P2RX3: variants seen among roughly 807,000 people sequenced by gnomAD.
The protein encoded by P2RX3 is purinergic receptor P2X 3.
P2RX3 carries 41 observed loss-of-function variants against 51.5 expected under a neutral mutation model. That is an observed-to-expected ratio of 0.80 (90% CI 0.62 to 1.03). The LOEUF (loss-of-function observed/expected upper bound fraction) is 1.03, where lower values mean the gene tolerates loss of function less well. Among genes scored for constraint, P2RX3 ranks in the 50% least tolerant of loss-of-function variants. The pLI is 0.00. For missense variants in P2RX3, 459 were observed against 522.1 expected (o/e 0.88, Z 1.18); for synonymous variants, 185 against 191.6 (o/e 0.97, Z 0.29).
At chr11:57,357,161 T>A (rs1354138960) in intron 8 of P2RX3, among the ~76,000 whole-genome samples, 23 of 151,756 alleles carry the variant, frequency 1.5e-4, no homozygotes, top group Admixed American at 7.9e-4. Context: ...TATTAAAAAT[T>A]TTTTTAAAAA....
chr11:57,355,798 T>A (rs1344181708), intron 8 of P2RX3, among the ~76,000 whole-genome samples: 1 of 152,154 alleles, frequency 6.6e-6, no homozygotes. Context: ...GTTTAATGAG[T>A]TTCTTTCCAG....
At chr11:57,365,685 A>G (rs902464351) in intron 8 of P2RX3, among the ~76,000 whole-genome samples, 11 of 152,188 alleles carry the variant, frequency 7.2e-5, no homozygotes, top group Non-Finnish European at 1.6e-4. Context: ...GACACCCTGA[A>G]GGCTAAGGAA....
chr11:57,360,233 G>T (rs1292174893), intron 8 of P2RX3, among the ~76,000 whole-genome samples: 1 of 152,112 alleles, frequency 6.6e-6, no homozygotes, highest in East Asian at 1.9e-4. Context: ...GCTCCCACAA[G>T]TGGCACCCAC....
At chr11:57,364,717 A>T (rs1856772499) in intron 8 of P2RX3, among the ~76,000 whole-genome samples, 1 of 151,960 alleles carries the variant, frequency 6.6e-6, no homozygotes, top group African/African-American at 2.4e-5. Flanking sequence ...TGCACCTTGA[A>T]TTCATTCTGT....
intron 8 of P2RX3, among the ~76,000 whole-genome samples, chr11:57,353,915 TC>T (rs11336120): frequency 1 from 150,624 of 150,624 alleles, 75,312 homozygotes; most frequent in Non-Finnish European, 1. Flanking sequence ...CTGTTGAAGT[TC>T]CCCTTGCAGT....
chr11:57,364,340 G>T (rs1590640359), intron 8 of P2RX3, among the ~76,000 whole-genome samples: 5 of 152,328 alleles, frequency 3.3e-5, no homozygotes, highest in Middle Eastern at 3.4e-3. Flanking sequence ...AGGCAGGATG[G>T]TTCAAGGGGT....
intron 1 of P2RX3, among the ~76,000 whole-genome samples, chr11:57,339,023 C>T (rs1265116080): frequency 6.6e-6 from 1 of 152,190 alleles, no homozygotes; most frequent in Non-Finnish European, 1.5e-5. Flanking sequence ...CAGGCAGACC[C>T]CCTCCCACAT....
upstream of P2RX3, among the ~76,000 whole-genome samples, chr11:57,337,827 A>G (rs1856263738): frequency 6.6e-6 from 1 of 152,266 alleles, no homozygotes; most frequent in African/African-American, 2.4e-5. Flanking sequence ...AACTTAGAGT[A>G]TAAGAATAAT....
chr11:57,350,932 A>C, intron 8 of P2RX3, 34 bp downstream of exon 8: 1 of 1,613,764 alleles, frequency 6.2e-7, no homozygotes, highest in Non-Finnish European at 8.5e-7. Flanking sequence ...CCAGGAGAAG[A>C]AGGTGCGGGC....
At chr11:57,368,146 C>T in intron 9 of P2RX3, 44 bp downstream of exon 9, 2 of 1,572,772 alleles carry the variant, frequency 1.3e-6, no homozygotes, top group Non-Finnish European at 8.8e-7. Context: ...GGGGAGGCAG[C>T]CCAGACCACC....
chr11:57,361,082 G>T (rs532360598), intron 8 of P2RX3, among the ~76,000 whole-genome samples: 1 of 152,174 alleles, frequency 6.6e-6, no homozygotes, highest in African/African-American at 2.4e-5. Context: ...ACAATTGGCT[G>T]CCAGCTGGGA....
At chr11:57,346,798 T>C (rs1856442588) in intron 2 of P2RX3, 119 bp downstream of exon 2, 2 of 1,389,442 alleles carry the variant, frequency 1.4e-6, no homozygotes, top group Non-Finnish European at 1.9e-6. Context: ...ATGTCACTGA[T>C]CCAGAGGACC....
intron 8 of P2RX3, among the ~76,000 whole-genome samples, chr11:57,366,789 G>A (rs1273333618): frequency 6.6e-6 from 1 of 152,124 alleles, no homozygotes; most frequent in Admixed American, 6.5e-5. Context: ...AGAGGGGGCT[G>A]GGTGTGCTAA....
At chr11:57,342,070 G>A (rs1368740804) in intron 1 of P2RX3, among the ~76,000 whole-genome samples, 1 of 151,614 alleles carries the variant, frequency 6.6e-6, no homozygotes, top group Non-Finnish European at 1.5e-5. Flanking sequence ...TCACTGTGAG[G>A]CACCTTGTCA....
In P2RX3 at chr11:57,346,791, T is replaced by C. The variant is rs1239283036; in HGVS notation, c.255+112T>C. 2.1e-6 allele frequency: 3 copies of C among 1,434,916 alleles called. No homozygotes were observed. The East Asian group carries it at 7.0e-5, about 34-fold the overall frequency. The allele number at this position is 1,434,916 out of a possible 1,614,324, so 88.9% of individuals were successfully genotyped here. On this transcript the variant is annotated intron_variant, in intron 2 of 11. Coordinates refer to ENST00000263314, the MANE Select transcript of P2RX3 (RefSeq NM_002559.5). ...GATTCCCAAACTAGAATCCATGATG[T>C]CACTGATCCAGAGGACCTCTCCCCC...
At chr11:57,369,751 G>A (rs1856853123) in intron 11 of P2RX3, 133 bp from the exon 12 acceptor site, 4 of 698,060 alleles carry the variant, frequency 5.7e-6, no homozygotes, top group Non-Finnish European at 1.0e-5. Context: ...GAGGGGCCTT[G>A]GGATCACACA....
chr11:57,370,298 G>A lies in P2RX3; in HGVS notation c.*301G>A, dbSNP rs917231557. The A allele has an allele frequency of 3.0e-6, 1 of 333,084 alleles. No homozygotes were observed. The highest frequency in any genetic ancestry group is 5.5e-6 in the Non-Finnish European group (1 of 181,938). 20.6% of individuals were successfully genotyped at this position (333,084 alleles called of 1,614,324 possible). A position where few individuals can be genotyped will look rare whatever the true frequency, so the allele number is the denominator to read the frequency against. ...TAGAGATTATAATGTAGGACAGATGGCCACAAGGGCCTACCAAGTGCCAGG... is the reference window on the plus strand; with the variant it reads ...TAGAGATTATAATGTAGGACAGATGACCACAAGGGCCTACCAAGTGCCAGG... On this transcript the variant is annotated 3_prime_UTR_variant, in exon 12 of 12. Transcript: ENST00000263314.
intron 1 of P2RX3, 52 bp downstream of exon 1, chr11:57,338,721 G>A (rs759726873): frequency 2.0e-5 from 25 of 1,240,176 alleles, no homozygotes; most frequent in South Asian, 7.9e-5. Context: ...CTGGTATCCC[G>A]TCTTCACCCT....
chr11:57,341,208 G>A (rs1207757689), intron 1 of P2RX3, among the ~76,000 whole-genome samples: 1 of 152,228 alleles, frequency 6.6e-6, no homozygotes, highest in African/African-American at 2.4e-5. Flanking sequence ...AGGAGTGGGT[G>A]CAGGAAAACC....
Sources: allele counts gnomAD v4.1 joint callset (sites outside exome capture counted in the v4.1 genomes callset), GRCh38; gene constraint gnomAD v4.1.1; transcripts MANE v1.5; gene names NCBI Gene and HGNC (gene_info 2026-07-23, HGNC 2026-07-21).